CNGA1: variants seen among roughly 807,000 people sequenced by gnomAD.
CNGA1 encodes cyclic nucleotide gated channel subunit alpha 1, also known as cyclic nucleotide-gated channel alpha-1.
Under a neutral mutation model 69.7 loss-of-function variants are expected in CNGA1, and 53 were observed. The observed-to-expected ratio is 0.76, with a 90% CI of 0.61 to 0.96. CNGA1 has a LOEUF of 0.96. CNGA1 is among the 40% of genes least tolerant of loss of function. The pLI, the probability that CNGA1 is intolerant of heterozygous loss-of-function variation, is 0.00. For synonymous variants in CNGA1, 249 were observed against 283.5 expected (o/e 0.88, Z 1.22); for missense variants, 739 against 811.2 (o/e 0.91, Z 1.08).
At position 47,964,181 on chromosome 4, in the gene CNGA1, T is replaced by C. The variant is rs183288116; in HGVS notation, c.-14-11478A>G. Among the ~76,000 whole-genome samples, 91 of 152,326 alleles carry C rather than the reference T, an allele frequency of 6.0e-4. 1 individual carries two copies. The highest frequency in any genetic ancestry group is 2.0e-3 in the African/African-American group (82 of 41,576). ...TATATTTCCCCACATGCCAACTCCC[T>C]GTTGTCATCAATGAACACTCTCTTT... On this transcript the variant is annotated intron_variant, in intron 3 of 10. Transcript: ENST00000514170.
chr4:48,013,255 G>A (rs571293366), intron 1 of CNGA1, among the ~76,000 whole-genome samples: 16 of 152,238 alleles, frequency 1.1e-4, no homozygotes, highest in Non-Finnish European at 1.9e-4. Flanking sequence ...ATCCCTCTGT[G>A]GTTACCAAAA....
At chr4:47,943,068 A>G in intron 8 of CNGA1, 113 bp downstream of exon 8, 1 of 751,194 alleles carries the variant, frequency 1.3e-6, no homozygotes, top group Non-Finnish European at 2.3e-6. Flanking sequence ...TTTAGTCTTT[A>G]CACAGGGCTC....
At chr4:47,967,698 G>A (rs1180228695) in intron 3 of CNGA1, among the ~76,000 whole-genome samples, 2 of 152,076 alleles carry the variant, frequency 1.3e-5, no homozygotes, top group Non-Finnish European at 2.9e-5. Flanking sequence ...TTAAAATACC[G>A]CTGGGTGCAG....
At chr4:47,938,164 A>C (rs1234281714) in intron 10 of CNGA1, among the ~76,000 whole-genome samples, 3 of 133,122 alleles carry the variant, frequency 2.3e-5, no homozygotes, top group African/African-American at 5.7e-5. Context: ...CAACAGCGAG[A>C]CCCTGTCTCA....
At chr4:47,982,149 T>C (rs1741746059) in intron 2 of CNGA1, among the ~76,000 whole-genome samples, 2 of 152,222 alleles carry the variant, frequency 1.3e-5, no homozygotes, top group Admixed American at 1.3e-4. Flanking sequence ...AAGAACTCTT[T>C]TATGCAATAT....
intron 10 of CNGA1, 36 bp downstream of exon 10, chr4:47,940,727 T>G (rs748962949): frequency 7.5e-7 from 1 of 1,327,764 alleles, no homozygotes; most frequent in South Asian, 1.2e-5. Flanking sequence ...GATAAAAGCA[T>G]GAAATTTTAA....
At chr4:47,944,142 T>G (rs1739258264) in intron 6 of CNGA1, among the ~76,000 whole-genome samples, 1 of 152,146 alleles carries the variant, frequency 6.6e-6, no homozygotes, top group African/African-American at 2.4e-5. Flanking sequence ...ACTAGGATAG[T>G]CAGAGAAGGC....
chr4:48,012,241 G>T (rs536543227), intron 1 of CNGA1, among the ~76,000 whole-genome samples: 203 of 152,108 alleles, frequency 1.3e-3, no homozygotes, highest in Non-Finnish European at 2.5e-3. Flanking sequence ...ATAGGAATTT[G>T]GGCAAGATAA....
intron 6 of CNGA1, among the ~76,000 whole-genome samples, chr4:47,944,236 A>T (rs1739263747): frequency 6.6e-6 from 1 of 152,190 alleles, no homozygotes; most frequent in African/African-American, 2.4e-5. Flanking sequence ...ATGTTAGAGC[A>T]GGAAAATTTC....
intron 3 of CNGA1, among the ~76,000 whole-genome samples, chr4:47,963,188 T>C (rs1209667901): frequency 6.6e-6 from 1 of 152,220 alleles, no homozygotes; most frequent in African/African-American, 2.4e-5. Context: ...AGACGTCAAA[T>C]GATCCTCCCA....
chr4:48,014,522 T>G (rs1715296364), intron 1 of CNGA1, among the ~76,000 whole-genome samples: 1 of 152,234 alleles, frequency 6.6e-6, no homozygotes, highest in African/African-American at 2.4e-5. Flanking sequence ...TTTTGTTTTT[T>G]AATGTCCAAT....
Position 47,939,241 on chromosome 4 carries a change from C to T in CNGA1, c.653-1412G>A, listed in dbSNP as rs191262655. Among the ~76,000 whole-genome samples, 39 of 152,204 alleles carry T rather than the reference C, an allele frequency of 2.6e-4. No individual in the cohort carries two copies. In the East Asian group the frequency reaches 7.2e-3, roughly 28 times the overall value. On this transcript the variant is annotated intron_variant, in intron 10 of 10. Transcript: ENST00000514170. ...GAGACTGAGTTAATAGTCCATCATG[C>T]CTCCATGATAAAACCTCTATAAAAA...
chr4:47,982,545 AAAG>A (rs1741764460), intron 2 of CNGA1, among the ~76,000 whole-genome samples: 2 of 152,336 alleles, frequency 1.3e-5, no homozygotes, highest in South Asian at 4.1e-4. Flanking sequence ...GAAAGAAAGA[AAAG>A]AAAATGGAAA....
chr4:47,949,915 C>A lies in CNGA1; in HGVS notation c.225-20G>T, dbSNP rs1375877880. On this transcript the variant is annotated intron_variant, in intron 5 of 10. Coordinates refer to ENST00000514170, the MANE Select transcript of CNGA1 (RefSeq NM_001379270.1). The stretch of plus-strand genomic sequence containing the variant: ...TGCTCCCTGGGAAATGAAAAACATG[C>A]AGTGAAATCACAGTAGTCACCATCT... The A allele has an allele frequency of 4.2e-5, 67 of 1,612,072 alleles. No homozygotes were observed. The highest frequency in any genetic ancestry group is 5.5e-5 in the Non-Finnish European group (65 of 1,178,272).
intron 2 of CNGA1, among the ~76,000 whole-genome samples, chr4:48,009,271 C>T (rs1458119901): frequency 6.6e-6 from 1 of 151,742 alleles, no homozygotes; most frequent in Non-Finnish European, 1.5e-5. Flanking sequence ...TCGAGACCAG[C>T]CTGGCTAACA....
At chr4:47,943,803 T>G (rs866999183) in intron 6 of CNGA1, among the ~76,000 whole-genome samples, 1 of 152,252 alleles carries the variant, frequency 6.6e-6, no homozygotes, top group Admixed American at 6.5e-5. Flanking sequence ...CATTCAGAAT[T>G]TTAAGAAAAT....
chr4:47,937,024 C>T lies in CNGA1; in HGVS notation c.1458G>A (p.Glu486=). ...FADCEAGLLV[E]LVLKLQPQVY... is the part of the protein sequence containing the mutation. ...CTTGGGGTTGCAATTTCAAGACCAA[C>T]TCCACCAACAGACCAGCTTCACAAT... is the stretch of plus-strand genomic sequence containing the variant. Residue 486 remains glutamate (E), a synonymous_variant, in exon 11 of 11, where the codon GAG becomes GAA. Transcript: ENST00000514170. The T allele has an allele frequency of 6.2e-7, 1 of 1,614,198 alleles. No individual in the cohort carries two copies. Among genetic ancestry groups the T allele is most frequent in the South Asian group, 1.1e-5 (1 of 91,084 alleles).
At chr4:47,939,043 AAAG>A (rs2110133864) in intron 10 of CNGA1, among the ~76,000 whole-genome samples, 1 of 152,156 alleles carries the variant, frequency 6.6e-6, no homozygotes, top group East Asian at 1.9e-4. Flanking sequence ...AGAAAGAAAG[AAAG>A]AAGGAAAGAA....
chr4:47,976,302 CATATATATATACATATATATGTAT>C (rs1479760897), intron 3 of CNGA1, among the ~76,000 whole-genome samples: 2 of 30,630 alleles, frequency 6.5e-5, no homozygotes, highest in South Asian at 1.9e-3. Context: ...TATACACATA[CATATATATATACATATATATGTAT>C]ATATATATAT....
Sources: allele counts gnomAD v4.1 joint callset (sites outside exome capture counted in the v4.1 genomes callset), GRCh38; gene constraint gnomAD v4.1.1; transcripts MANE v1.5; gene names NCBI Gene and HGNC (gene_info 2026-07-23, HGNC 2026-07-21).